The following CERS6 variants were observed in gnomAD, a reference collection of about 807,000 sequenced individuals.
The protein encoded by CERS6 is ceramide synthase 6, also known as LAG1 homolog, ceramide synthase 6.
A neutral mutation model predicts 56.8 loss-of-function variants in CERS6; 26 were observed. The observed-to-expected ratio is 0.46, with a 90% CI of 0.34 to 0.63. The LOEUF (loss-of-function observed/expected upper bound fraction) is 0.63. Ranked by LOEUF, CERS6 falls within the 30% of genes least tolerant of loss-of-function variation. The probability of loss-of-function intolerance (pLI) is 0.01; values close to 1 mark genes in which losing one functional copy is unlikely to be tolerated. For missense variants in CERS6, 415 were observed against 467.5 expected (o/e 0.89, Z 1.04); for synonymous variants, 164 against 173.3 (o/e 0.95, Z 0.42).
chr2:168,515,897 A>G (rs1694876185), intron 1 of CERS6, among the ~76,000 whole-genome samples: 1 of 152,148 alleles, frequency 6.6e-6, no homozygotes, highest in African/African-American at 2.4e-5. Context: ...GCTCATGGAG[A>G]TGACTGTCCC....
chr2:168,748,209 A>G (rs1011766844), intron 8 of CERS6, among the ~76,000 whole-genome samples: 2 of 152,086 alleles, frequency 1.3e-5, no homozygotes, highest in African/African-American at 4.8e-5. Flanking sequence ...GGCCTTGGCT[A>G]TTGCTCTTTC....
intron 1 of CERS6, among the ~76,000 whole-genome samples, chr2:168,508,635 C>T (rs1055508730): frequency 2.0e-5 from 3 of 152,044 alleles, no homozygotes; most frequent in Non-Finnish European, 2.9e-5. Context: ...ACCACATGTT[C>T]TCGCTCCTAA....
intron 8 of CERS6, 78 bp from the exon 9 acceptor site, chr2:168,765,514 C>T: frequency 6.8e-7 from 1 of 1,464,610 alleles, no homozygotes. Flanking sequence ...TGACCTTGTG[C>T]TTTAATGCAG....
At chr2:168,738,954 C>T (rs1194436877) in intron 8 of CERS6, among the ~76,000 whole-genome samples, 1 of 151,558 alleles carries the variant, frequency 6.6e-6, no homozygotes, top group Non-Finnish European at 1.5e-5. Context: ...GGCACTATCT[C>T]GGCTAACTGC....
At chr2:168,664,047 G>A (rs1685697246) in intron 4 of CERS6, among the ~76,000 whole-genome samples, 1 of 152,164 alleles carries the variant, frequency 6.6e-6, no homozygotes, top group African/African-American at 2.4e-5. Flanking sequence ...AGATAAGTGG[G>A]ATGGCCATTG....
rs961532780 is a variant in CERS6 at position 168,695,123 on chromosome 2, T to A, written c.609+72T>A. On this transcript the variant is annotated intron_variant, in intron 6 of 9. Transcript: ENST00000305747. ...TGGCCCTTAGCAGGTGGGTTTAGAC[T>A]CTCAAAGGCACTCACCCCTGTTCTC... 2.6e-6 allele frequency: 3 copies of A among 1,163,454 alleles called. No individual in the cohort carries two copies. The South Asian group carries it at 3.7e-5, about 14-fold the overall frequency. The allele number at this position is 1,163,454 out of a possible 1,614,324, so 72.1% of individuals were successfully genotyped here. A position where few individuals can be genotyped will look rare whatever the true frequency, so the allele number is the denominator to read the frequency against.
intron 3 of CERS6, among the ~76,000 whole-genome samples, chr2:168,616,072 C>A (rs951860383): frequency 6.6e-6 from 1 of 152,182 alleles, no homozygotes; most frequent in African/African-American, 2.4e-5. Flanking sequence ...TCTTCAGCTT[C>A]CTCAAACAAA....
At chr2:168,532,209 T>C (rs151248236) in intron 1 of CERS6, among the ~76,000 whole-genome samples, 1 of 152,270 alleles carries the variant, frequency 6.6e-6, no homozygotes, top group African/African-American at 2.4e-5. Flanking sequence ...CCCCTATCTC[T>C]GTCCCATTCC....
At chr2:168,745,242 TAA>T (rs748120891) in intron 8 of CERS6, among the ~76,000 whole-genome samples, 1 of 91,728 alleles carries the variant, frequency 1.1e-5, no homozygotes, top group African/African-American at 4.0e-5. Context: ...TTTATCAGTT[TAA>T]AAATTTTTTT....
chr2:168,561,033 G>C (rs1243146440), intron 2 of CERS6, among the ~76,000 whole-genome samples, 159 bp from the exon 3 acceptor site: 1 of 152,130 alleles, frequency 6.6e-6, no homozygotes, highest in Non-Finnish European at 1.5e-5. Context: ...CATGCTGCTA[G>C]TGGAAGGCCT....
At chr2:168,756,496 C>T (rs1684419744) in intron 8 of CERS6, among the ~76,000 whole-genome samples, 1 of 152,110 alleles carries the variant, frequency 6.6e-6, no homozygotes, top group African/African-American at 2.4e-5. Flanking sequence ...ATTTAAGGGT[C>T]AAGTGGGGTG....
At chr2:168,666,237 A>G (rs144168240) in intron 4 of CERS6, among the ~76,000 whole-genome samples, 43 of 152,330 alleles carry the variant, frequency 2.8e-4, no homozygotes, top group Non-Finnish European at 5.3e-4. Flanking sequence ...GGACAAATGT[A>G]TAATGACATG....
chr2:168,556,991 CAAAAAAAAAAAAA>C (rs71003046), intron 2 of CERS6, among the ~76,000 whole-genome samples: 13,244 of 82,620 alleles, frequency 0.16, 1,153 homozygotes, highest in African/African-American at 0.32. Context: ...CTTGTCTCTA[CAAAAAAAAAAAAA>C]AAAAAAAAAA....
At position 168,772,724 on chromosome 2, in the gene CERS6, A is replaced by G. The variant is rs970600704; in HGVS notation, c.*3062A>G. On this transcript the variant is annotated 3_prime_UTR_variant, in exon 10 of 10. Transcript: ENST00000305747. ...TGAGCATAGGGAAGCAACTCTCAGTATTTTGGATTATTCAAGTGTATGTGG... is the reference window on the plus strand; with the variant it reads ...TGAGCATAGGGAAGCAACTCTCAGTGTTTTGGATTATTCAAGTGTATGTGG... 1.3e-5 allele frequency: 2 copies of G among 152,636 alleles called. No homozygotes were observed. Among genetic ancestry groups the G allele is most frequent in the Admixed American group, 6.5e-5 (1 of 15,284 alleles). 9.5% of individuals were successfully genotyped at this position (152,636 alleles called of 1,614,324 possible). A position where few individuals can be genotyped will look rare whatever the true frequency, so the allele number is the denominator to read the frequency against.
intron 4 of CERS6, among the ~76,000 whole-genome samples, chr2:168,663,164 T>G (rs954529246): frequency 1.3e-5 from 2 of 152,228 alleles, no homozygotes; most frequent in Non-Finnish European, 1.5e-5. Flanking sequence ...TTTTTCATTC[T>G]TGTTTCCAAA....
At chr2:168,719,612 A>G (rs903606564) in intron 8 of CERS6, among the ~76,000 whole-genome samples, 1 of 152,180 alleles carries the variant, frequency 6.6e-6, no homozygotes, top group Middle Eastern at 3.2e-3. Flanking sequence ...CCTCTTGACT[A>G]TATTTGAATT....
intron 1 of CERS6, among the ~76,000 whole-genome samples, chr2:168,513,254 C>T (rs1012584407): frequency 4.6e-5 from 7 of 152,182 alleles, no homozygotes; most frequent in African/African-American, 1.7e-4. Flanking sequence ...TAACCTCTTA[C>T]ATTAATGTAG....
At chr2:168,484,455 A>G (rs1014091737) in intron 1 of CERS6, among the ~76,000 whole-genome samples, 7 of 151,338 alleles carry the variant, frequency 4.6e-5, no homozygotes, top group African/African-American at 1.5e-4. Context: ...TGTTGGGATT[A>G]CAGGCGTTGA....
intron 1 of CERS6, among the ~76,000 whole-genome samples, chr2:168,527,879 C>G (rs1436508820): frequency 6.6e-6 from 1 of 152,084 alleles, no homozygotes; most frequent in East Asian, 1.9e-4. Context: ...CACCACCACA[C>G]CAGGCTAATT....
Sources: gnomAD v4.1 joint callset for allele counts (sites outside exome capture counted in the v4.1 genomes callset) on GRCh38, gnomAD v4.1.1 for gene constraint, MANE v1.5 for transcripts, NCBI Gene and HGNC (gene_info 2026-07-23, HGNC 2026-07-21) for gene names.